BRINP1: variants seen among roughly 807,000 people sequenced by gnomAD.
The protein encoded by BRINP1 is BMP/retinoic acid inducible neural specific 1, also known as BMP/retinoic acid-inducible neural-specific protein 1.
In BRINP1, 17 loss-of-function variants were observed where a neutral mutation model predicts 72.9. The ratio of observed to expected loss-of-function variants is 0.23; its 90% confidence interval spans 0.16 to 0.35. The LOEUF is 0.35. Ranked by LOEUF, BRINP1 falls within the 10% of genes least tolerant of loss-of-function variation. BRINP1 has a pLI of 1.00. For synonymous variants in BRINP1, 418 were observed against 378.5 expected (o/e 1.10, Z -1.21); for missense variants, 850 against 1,001.6 (o/e 0.85, Z 2.04).
chr9:119,356,817 A>AC (rs1564256765), intron 1 of BRINP1, among the ~76,000 whole-genome samples: 3 of 152,116 alleles, frequency 2.0e-5, no homozygotes, highest in East Asian at 1.9e-4. Flanking sequence ...AAAAAAAAAA[A>AC]ACAAAAGTTT....
chr9:119,315,190 T>A (rs1385952751), intron 1 of BRINP1, among the ~76,000 whole-genome samples: 1 of 152,200 alleles, frequency 6.6e-6, no homozygotes, highest in East Asian at 1.9e-4. Context: ...TTATTGAGAT[T>A]TGCAAATATT....
chr9:119,177,290 G>A (rs916078977), intron 7 of BRINP1, among the ~76,000 whole-genome samples: 1 of 152,084 alleles, frequency 6.6e-6, no homozygotes, highest in Admixed American at 6.6e-5. Flanking sequence ...TCCTATTACA[G>A]CCTGGAGAAC....
chr9:119,332,962 C>T (rs999618075), intron 1 of BRINP1, among the ~76,000 whole-genome samples: 15 of 152,112 alleles, frequency 9.9e-5, no homozygotes, highest in Admixed American at 3.3e-4. Context: ...GATAAGAAAA[C>T]TGAGGGTCAG....
intron 2 of BRINP1, among the ~76,000 whole-genome samples, chr9:119,297,099 C>A (rs1157047186): frequency 6.6e-6 from 1 of 152,046 alleles, no homozygotes; most frequent in Non-Finnish European, 1.5e-5. Flanking sequence ...GGTAATTTCA[C>A]AATGTATACA....
intron 2 of BRINP1, among the ~76,000 whole-genome samples, chr9:119,288,207 A>C (rs1830786371): frequency 6.6e-6 from 1 of 152,198 alleles, no homozygotes; most frequent in Admixed American, 6.5e-5. Context: ...GAAGAGATTC[A>C]TTTAAGGAGG....
At position 119,238,747 on chromosome 9, in the gene BRINP1, C is replaced by A; in HGVS notation, c.593G>T (p.Arg198Leu). The change falls in exon 5 of 8, where the codon CGC becomes CTC. Residue 198 changes from arginine (R) to leucine (L), a missense_variant. Coordinates refer to ENST00000265922, the MANE Select transcript of BRINP1 (RefSeq NM_014618.3). ...GCTGTTACAGCCCAGAGGCCCAGTG[C>A]GTGTCTCTGTGACCTGCAGTAGATA... ...STGAIKVTET[R>L]TGPLGCNSYD... The A allele has an allele frequency of 1.9e-6, 3 of 1,605,372 alleles. No homozygotes were observed. Among genetic ancestry groups the A allele is most frequent in the South Asian group, 1.1e-5 (1 of 90,182 alleles).
intron 5 of BRINP1, among the ~76,000 whole-genome samples, chr9:119,217,071 T>C (rs896767065): frequency 1.3e-5 from 2 of 152,182 alleles, no homozygotes; most frequent in African/African-American, 2.4e-5. Flanking sequence ...TGTTTAAAGT[T>C]ACATAACCAT....
At chr9:119,255,184 G>T (rs76871935) in intron 2 of BRINP1, among the ~76,000 whole-genome samples, 2,527 of 152,340 alleles carry the variant, frequency 0.017, 73 homozygotes, top group African/African-American at 0.057. Context: ...TCAGTTCTCA[G>T]GGAATTGAGC....
At chr9:119,343,941 T>C (rs184586339) in intron 1 of BRINP1, among the ~76,000 whole-genome samples, 148 of 151,070 alleles carry the variant, frequency 9.8e-4, no homozygotes, top group African/African-American at 3.4e-3. Flanking sequence ...AGACCTAATA[T>C]ACCCAATCTA....
chr9:119,292,712 T>G (rs544723705), intron 2 of BRINP1, among the ~76,000 whole-genome samples: 55 of 152,310 alleles, frequency 3.6e-4, no homozygotes, highest in African/African-American at 1.1e-3. Flanking sequence ...AAACAGTACT[T>G]ATCATATGAA....
intron 2 of BRINP1, among the ~76,000 whole-genome samples, chr9:119,250,230 C>A (rs1830372105): frequency 6.6e-6 from 1 of 152,064 alleles, no homozygotes; most frequent in Non-Finnish European, 1.5e-5. Flanking sequence ...CTAGGATAAT[C>A]CAGAAATCAA....
At chr9:119,227,083 C>T (rs1033475866) in intron 5 of BRINP1, among the ~76,000 whole-genome samples, 1 of 151,992 alleles carries the variant, frequency 6.6e-6, no homozygotes, top group African/African-American at 2.4e-5. Context: ...TAATTATTCA[C>T]AAATAATAGC....
At chr9:119,327,575 GATTT>G (rs967551951) in intron 1 of BRINP1, among the ~76,000 whole-genome samples, 1 of 152,164 alleles carries the variant, frequency 6.6e-6, no homozygotes, top group African/African-American at 2.4e-5. Flanking sequence ...TTAGTGGAGA[GATTT>G]AAGGTAGGAT....
chr9:119,227,123 C>T (rs999765984), intron 5 of BRINP1, among the ~76,000 whole-genome samples: 3 of 151,978 alleles, frequency 2.0e-5, no homozygotes, highest in African/African-American at 4.8e-5. Flanking sequence ...ATTTTATGAA[C>T]CCTCTTGGTT....
At chr9:119,287,865 A>G (rs1234895985) in intron 2 of BRINP1, among the ~76,000 whole-genome samples, 1 of 152,218 alleles carries the variant, frequency 6.6e-6, no homozygotes, top group Non-Finnish European at 1.5e-5. Flanking sequence ...GAGGTAGAGG[A>G]TCAGAAAAAA....
chr9:119,199,101 G>A (rs1385126659), intron 7 of BRINP1, among the ~76,000 whole-genome samples: 3 of 152,156 alleles, frequency 2.0e-5, no homozygotes, highest in African/African-American at 7.2e-5. Flanking sequence ...CCATACAGAT[G>A]GGGAAACAGA....
chr9:119,211,017 G>C (rs1829919988), intron 6 of BRINP1, among the ~76,000 whole-genome samples: 1 of 152,116 alleles, frequency 6.6e-6, no homozygotes, highest in Non-Finnish European at 1.5e-5. Context: ...ACTCTGTTCT[G>C]TTTGGGACAG....
chr9:119,303,291 G>GACACACACACAC (rs35386714), intron 2 of BRINP1, among the ~76,000 whole-genome samples: 41 of 117,454 alleles, frequency 3.5e-4, no homozygotes, highest in African/African-American at 1.3e-3. Flanking sequence ...CACACACACA[G>GACACACACACAC]ACACACACAC....
chr9:119,344,193 A>G (rs1831430139), intron 1 of BRINP1, among the ~76,000 whole-genome samples: 1 of 152,226 alleles, frequency 6.6e-6, no homozygotes, highest in African/African-American at 2.4e-5. Flanking sequence ...AATCTGGATA[A>G]TAACTACATG....
Sources: gnomAD v4.1 joint callset for allele counts (sites outside exome capture counted in the v4.1 genomes callset) on GRCh38, gnomAD v4.1.1 for gene constraint, MANE v1.5 for transcripts, NCBI Gene and HGNC (gene_info 2026-07-23, HGNC 2026-07-21) for gene names.